GRAMD1B: variants seen among roughly 807,000 people sequenced by gnomAD.
GRAMD1B encodes the protein protein Aster-B.
GRAMD1B carries 37 observed loss-of-function variants against 99.7 expected under a neutral mutation model. The observed-to-expected ratio is 0.37, with a 90% confidence interval of 0.29 to 0.49. The LOEUF is 0.49. Among genes scored for constraint, GRAMD1B ranks in the 20% least tolerant of loss-of-function variants. GRAMD1B has a pLI of 0.98. For synonymous variants in GRAMD1B, 427 were observed against 387.6 expected (o/e 1.10, Z -1.19); for missense variants, 888 against 1,009.2 (o/e 0.88, Z 1.63).
At position 123,568,951 on chromosome 11, in the gene GRAMD1B, G is replaced by C. The variant is rs80177682; in HGVS notation, c.453-8416G>C. Among the ~76,000 whole-genome samples, 829 of 152,238 alleles carry C rather than the reference G, an allele frequency of 5.4e-3. 12 individuals carry two copies. The highest frequency in any genetic ancestry group is 0.019 in the African/African-American group (799 of 41,550). On this transcript the variant is annotated intron_variant, in intron 2 of 19. Coordinates refer to ENST00000635736, the MANE Select transcript of GRAMD1B (RefSeq NM_001387025.1). ...GTCACAGGGAGCTTCTCTTAGAACA[G>C]TGCAGGTCTTATCCTTTTGAACCCC... is the stretch of plus-strand genomic sequence containing the variant.
intron 12 of GRAMD1B, among the ~76,000 whole-genome samples, chr11:123,609,143 C>T (rs921223349): frequency 3.9e-5 from 6 of 152,154 alleles, no homozygotes; most frequent in African/African-American, 1.4e-4. Flanking sequence ...CACTCTATGC[C>T]ATGCACGTGA....
At chr11:123,431,706 A>C (rs1948900547) in intron 1 of GRAMD1B, among the ~76,000 whole-genome samples, 1 of 152,204 alleles carries the variant, frequency 6.6e-6, no homozygotes, top group Admixed American at 6.5e-5. Flanking sequence ...TGTGGAAGTG[A>C]AATATTGACA....
intron 1 of GRAMD1B, among the ~76,000 whole-genome samples, chr11:123,467,559 A>C (rs1049409840): frequency 6.6e-6 from 1 of 152,120 alleles, no homozygotes; most frequent in African/African-American, 2.4e-5. Context: ...CGGGGGCAGG[A>C]AAGAGGAGCC....
chr11:123,618,666 G>GT (rs747625337), intron 17 of GRAMD1B, 27 bp from the exon 18 acceptor site: 4 of 1,295,592 alleles, frequency 3.1e-6, no homozygotes, highest in Non-Finnish European at 4.4e-6. Flanking sequence ...CACTGCTGAT[G>GT]TTTTTTTCCC....
intron 1 of GRAMD1B, among the ~76,000 whole-genome samples, chr11:123,449,714 C>CTTTTTTTTGTTTTTTTT (rs1949798044): frequency 1.0e-5 from 1 of 99,988 alleles, no homozygotes; most frequent in East Asian, 3.0e-4. Flanking sequence ...CCATGCCTGG[C>CTTTTTTTTGTTTTTTTT]TTTTTTTTTT....
At chr11:123,570,419 TTC>T (rs1947934448) in intron 2 of GRAMD1B, among the ~76,000 whole-genome samples, 1 of 89,082 alleles carries the variant, frequency 1.1e-5, no homozygotes, top group Non-Finnish European at 2.2e-5. Flanking sequence ...TTTTTTTCTT[TTC>T]TTTTTTTTTT....
chr11:123,390,996 C>A (rs1453413570), intron 1 of GRAMD1B, among the ~76,000 whole-genome samples: 1 of 152,220 alleles, frequency 6.6e-6, no homozygotes, highest in East Asian at 1.9e-4. Flanking sequence ...TTCTTCTAGG[C>A]CACTGAGTGT....
chr11:123,618,856 C>A, intron 18 of GRAMD1B, 56 bp downstream of exon 18: 3 of 888,814 alleles, frequency 3.4e-6, no homozygotes, highest in Non-Finnish European at 5.5e-6. Context: ...TGCCATGATA[C>A]CTGTCTCCCA....
chr11:123,603,381 G>A, intron 8 of GRAMD1B, 45 bp from the exon 9 acceptor site: 1 of 1,186,238 alleles, frequency 8.4e-7, no homozygotes, highest in Non-Finnish European at 1.3e-6. Flanking sequence ...CAGAGTCGGG[G>A]GACCTGAGGG....
upstream of GRAMD1B, among the ~76,000 whole-genome samples, chr11:123,426,722 A>G (rs2134138275): frequency 6.6e-6 from 1 of 152,328 alleles, no homozygotes; most frequent in South Asian, 2.1e-4. Context: ...CTGCCTTGGC[A>G]TCCTGGAGCA....
At chr11:123,517,970 T>G (rs1941834215) in intron 2 of GRAMD1B, among the ~76,000 whole-genome samples, 9 of 152,174 alleles carry the variant, frequency 5.9e-5, no homozygotes, top group Admixed American at 5.9e-4. Flanking sequence ...TCAGTCACCC[T>G]GAATTTCTCC....
intron 2 of GRAMD1B, chr11:123,560,550 A>G (rs1946621233): frequency 2.4e-5 from 27 of 1,121,136 alleles, no homozygotes; most frequent in Non-Finnish European, 3.6e-6. Flanking sequence ...CAGCCTCCTC[A>G]GGGCCCCCGC....
In GRAMD1B at chr11:123,591,629, A is replaced by T; in HGVS notation, c.685-2453A>T. On this transcript the variant is annotated intron_variant, in intron 4 of 19. Transcript: ENST00000635736. This position sits in a 1 kb window ranked among gnomAD's most constrained non-coding sequence, Gnocchi z 4.7. ...TGGCTCTCCTACCCGAAGGCCCCAG[A>T]TTTGACAATCTTGGAACCGAAATTA... 1 of 397,446 alleles carries T rather than the reference A, an allele frequency of 2.5e-6. No homozygotes were observed. The highest frequency in any genetic ancestry group is 3.6e-5 in the East Asian group (1 of 28,022). The allele number at this position is 397,446 out of a possible 1,614,324, so 24.6% of individuals were successfully genotyped here. A position where few individuals can be genotyped will look rare whatever the true frequency, so the allele number is the denominator to read the frequency against.
At chr11:123,383,705 A>G (rs1189977271) in intron 1 of GRAMD1B, among the ~76,000 whole-genome samples, 1 of 151,850 alleles carries the variant, frequency 6.6e-6, no homozygotes, top group African/African-American at 2.4e-5. Flanking sequence ...TTAAATACAC[A>G]TCTCCCTGAT....
At chr11:123,551,692 A>G (rs1209399073) in intron 2 of GRAMD1B, among the ~76,000 whole-genome samples, 1 of 152,206 alleles carries the variant, frequency 6.6e-6, no homozygotes, top group African/African-American at 2.4e-5. Context: ...GGCAAATTAG[A>G]TGCATGCCCA....
chr11:123,488,115 T>TA (rs1938084452), intron 2 of GRAMD1B, among the ~76,000 whole-genome samples: 1 of 152,156 alleles, frequency 6.6e-6, no homozygotes, highest in Non-Finnish European at 1.5e-5. Flanking sequence ...CCTTACGTGG[T>TA]AAAAAGGAGA....
chr11:123,623,213 G>C lies in GRAMD1B; in HGVS notation c.*618G>C, dbSNP rs1408091661. ...GGAAGGCTGCATTGTGTGGTGGCAG[G>C]CTCCCGAGACTCGTGTTCTGAAGGA... is the stretch of plus-strand genomic sequence containing the variant. On this transcript the variant is annotated 3_prime_UTR_variant, in exon 20 of 20. Coordinates refer to ENST00000635736, the MANE Select transcript of GRAMD1B (RefSeq NM_001387025.1). The C allele has an allele frequency of 6.6e-6, 1 of 152,068 alleles. No homozygotes were observed. Among genetic ancestry groups the C allele is most frequent in the Non-Finnish European group, 1.5e-5 (1 of 68,036 alleles). 9.4% of individuals were successfully genotyped at this position (152,068 alleles called of 1,614,324 possible). A position where few individuals can be genotyped will look rare whatever the true frequency, so the allele number is the denominator to read the frequency against.
intron 2 of GRAMD1B, among the ~76,000 whole-genome samples, chr11:123,489,154 T>A (rs1042869015): frequency 6.6e-6 from 1 of 151,866 alleles, no homozygotes; most frequent in East Asian, 1.9e-4. Context: ...AAAAAAAAAA[T>A]TGAAATCATG....
At chr11:123,517,044 C>T (rs947420187) in intron 2 of GRAMD1B, among the ~76,000 whole-genome samples, 6 of 152,138 alleles carry the variant, frequency 3.9e-5, no homozygotes, top group Non-Finnish European at 8.8e-5. Flanking sequence ...CTCAGCCTCC[C>T]GAGTAGCTGG....
Sources: gnomAD v4.1 joint callset for allele counts (sites outside exome capture counted in the v4.1 genomes callset) on GRCh38, gnomAD v4.1.1 for gene constraint, Gnocchi (gnomAD v3.1) non-coding constraint, MANE v1.5 for transcripts, NCBI Gene and HGNC (gene_info 2026-07-23, HGNC 2026-07-21) for gene names.